The following ZNF700 variants were observed in gnomAD, a reference collection of about 807,000 sequenced individuals.
The protein encoded by ZNF700 is zinc finger protein 700.
In ZNF700, 38 loss-of-function variants were observed where a neutral mutation model predicts 65.3. The ratio of observed to expected loss-of-function variants is 0.58; its 90% CI spans 0.45 to 0.76. The LOEUF is 0.76. Ranked by LOEUF, ZNF700 falls within the 30% of genes least tolerant of loss-of-function variation. The pLI, the probability that ZNF700 is intolerant of heterozygous loss-of-function variation, is 0.00. For missense variants in ZNF700, 857 were observed against 888.4 expected (o/e 0.96, Z 0.45); for synonymous variants, 285 against 290.4 (o/e 0.98, Z 0.19).
At chr19:11,935,538 T>A (rs1356335643) in intron 1 of ZNF700, among the ~76,000 whole-genome samples, 1 of 152,096 alleles carries the variant, frequency 6.6e-6, no homozygotes, top group Non-Finnish European at 1.5e-5. Flanking sequence ...GGCTTTTTGC[T>A]TCTTTTTTGA....
In ZNF700 at chr19:11,934,311, G is replaced by T. The variant is rs983503185; in HGVS notation, c.63+9038G>T. 1.1e-4 allele frequency among the ~76,000 whole-genome samples: 17 copies of T among 147,916 alleles called. 2 individuals carry two copies. The highest frequency in any genetic ancestry group is 3.4e-3 in the Middle Eastern group (1 of 294). ...CAGTTCATTTGGGTCAATATTGTAGGATTGAGACTACTGAATCAGTAGGAC... is the reference window on the plus strand; with the variant it reads ...CAGTTCATTTGGGTCAATATTGTAGTATTGAGACTACTGAATCAGTAGGAC... On this transcript the variant is annotated intron_variant, in intron 1 of 3. Coordinates refer to ENST00000254321, the MANE Select transcript of ZNF700 (RefSeq NM_144566.3).
chr19:11,944,235 G>C (rs1456183667), intron 1 of ZNF700, among the ~76,000 whole-genome samples: 1 of 152,156 alleles, frequency 6.6e-6, no homozygotes, highest in African/African-American at 2.4e-5. Flanking sequence ...GGGAGTGCCT[G>C]GAAGTCCCCA....
At position 11,941,664 on chromosome 19, in the gene ZNF700, G is replaced by A. The variant is rs944005969; in HGVS notation, c.64-5517G>A. 4.6e-5 allele frequency among the ~76,000 whole-genome samples: 7 copies of A among 152,178 alleles called. No individual in the cohort carries two copies. In the South Asian group the frequency reaches 8.3e-4, roughly 18 times the overall value. The stretch of plus-strand genomic sequence containing the variant: ...AGCGCCGCGCGCAGCCCCAGTTCCC[G>A]CTCGCGCCTCTCCCTCCACCCCTCC... On this transcript the variant is annotated intron_variant, in intron 1 of 3. Transcript: ENST00000254321.
chr19:11,927,279 C>G (rs969474471), intron 1 of ZNF700, among the ~76,000 whole-genome samples: 3 of 151,864 alleles, frequency 2.0e-5, no homozygotes, highest in Admixed American at 6.6e-5. Flanking sequence ...ACTTGAACCC[C>G]AGAGGCAGAG....
chr19:11,935,452 C>T (rs1230078126), intron 1 of ZNF700, among the ~76,000 whole-genome samples: 2 of 151,874 alleles, frequency 1.3e-5, no homozygotes, highest in Non-Finnish European at 2.9e-5. Context: ...AGGCTGATCT[C>T]GAACTCCTGA....
chr19:11,947,032 G>A (rs576663487), intron 1 of ZNF700, 149 bp from the exon 2 acceptor site: 1 of 1,313,000 alleles, frequency 7.6e-7, no homozygotes, highest in South Asian at 1.7e-5. Context: ...AAGAAAGTAA[G>A]TATAGATGGA....
rs370242326 is a variant in ZNF700, at chr19:11,949,359, C to T, written c.1335C>T (p.Pro445=). Residue 445 remains proline (P), a synonymous_variant, in exon 4 of 4, where the codon CCC becomes CCT. Coordinates refer to ENST00000254321, the MANE Select transcript of ZNF700 (RefSeq NM_144566.3). Reference sequence around the variant, plus strand: ...GTGGGACTCACACTGGAGAGAAACCCTATGAATGTAAGGAATGTGGGAAAG... The same window carrying T: ...GTGGGACTCACACTGGAGAGAAACCTTATGAATGTAAGGAATGTGGGAAAG... ...VHGGTHTGEK[P]YECKECGKAF... 2.2e-5 allele frequency: 35 copies of T among 1,613,594 alleles called. No individual in the cohort carries two copies. The highest frequency in any genetic ancestry group is 2.5e-5 in the Non-Finnish European group (29 of 1,179,930).
chr19:11,943,675 C>A (rs1449429416), intron 1 of ZNF700, among the ~76,000 whole-genome samples: 1 of 152,156 alleles, frequency 6.6e-6, no homozygotes, highest in African/African-American at 2.4e-5. Flanking sequence ...TTTAAAGTTC[C>A]TAGGCATTCA....
Position 11,950,288 on chromosome 19 carries a change from C to T in ZNF700, c.*35C>T, listed in dbSNP as rs780887092. ...TTTTATGGACATGAATAGACTCACA[C>T]TGGAAGGAAGCACTATGAATGCAAG... On this transcript the variant is annotated 3_prime_UTR_variant, in exon 4 of 4. Transcript: ENST00000254321. 7 of 1,580,546 alleles carry T rather than the reference C, an allele frequency of 4.4e-6. No homozygotes were observed. The East Asian group carries it at 1.3e-4, about 30-fold the overall frequency.
chr19:11,933,083 T>G (rs1972738942), intron 1 of ZNF700, among the ~76,000 whole-genome samples: 1 of 148,136 alleles, frequency 6.8e-6, no homozygotes, highest in Non-Finnish European at 1.5e-5. Flanking sequence ...AATCCAGAGT[T>G]CCCTCATTTT....
At chr19:11,929,525 A>G (rs984688152) in intron 1 of ZNF700, among the ~76,000 whole-genome samples, 1 of 148,300 alleles carries the variant, frequency 6.7e-6, no homozygotes, top group African/African-American at 2.6e-5. Context: ...TTCCAAGGTA[A>G]TAGGTAAATT....
rs149259954 is a variant in ZNF700, at chr19:11,947,550, A to G, written c.227A>G (p.Tyr76Cys). The part of the protein sequence containing the change: ...KWSDQNIEYE[Y>C]QNPRRSFRSL... The stretch of plus-strand genomic sequence containing the variant: ...AGTGACCAGAACATTGAATATGAGT[A>G]CCAAAACCCCAGAAGAAGCTTCAGG... Residue 76 changes from tyrosine (Y) to cysteine (C), a missense_variant, in exon 3 of 4, where the codon TAC (tyrosine) becomes TGC (cysteine). Around this residue, in one of 3 missense-constraint regions of ZNF700, gnomAD observed 603 missense variants for 619.9 expected, o/e 0.97. Coordinates refer to ENST00000254321, the MANE Select transcript of ZNF700 (RefSeq NM_144566.3). 4.3e-6 allele frequency: 7 copies of G among 1,613,630 alleles called. No individual in the cohort carries two copies. In the African/African-American group the frequency reaches 8.0e-5, roughly 18 times the overall value.
Position 11,947,283 on chromosome 19 carries a change from A to G in ZNF700, c.166A>G (p.Thr56Ala), listed in dbSNP as rs754744988. The part of the protein sequence containing the change: ...KNLFREVMLE[T>A]FRNLTSIGKK... ...TCTCTTCAGGGAAGTGATGCTGGAAACTTTCAGGAACCTGACCTCTATAGG... is the reference window on the plus strand; with the variant it reads ...TCTCTTCAGGGAAGTGATGCTGGAAGCTTTCAGGAACCTGACCTCTATAGG... The change falls in exon 2 of 4, where the codon ACT (threonine) becomes GCT (alanine). Residue 56 changes from threonine (T) to alanine (A), a missense_variant. By Grantham distance (58) the Thr-to-Ala change is moderately conservative. This residue lies in a region of ZNF700 where 603 missense variants were observed against 619.9 expected (regional missense o/e 0.97). Transcript: ENST00000254321. 6.2e-6 allele frequency: 10 copies of G among 1,613,866 alleles called. No individual in the cohort carries two copies. In the African/African-American group the frequency reaches 1.1e-4, roughly 17 times the overall value.
Position 11,949,936 on chromosome 19 carries a change from C to T in ZNF700, c.1912C>T (p.His638Tyr). ...CAGATCTGCCTCAAACCTTCAGATG[C>T]ATGAAAGGACTCACACTGGAGAGAA... ...AFRSASNLQM[H>Y]ERTHTGEKPY... Residue 638 changes from histidine (H) to tyrosine (Y), a missense_variant, in exon 4 of 4, where the codon CAT becomes TAT. This residue lies in a region of ZNF700 where 251 missense variants were observed against 250.3 expected (regional missense o/e 1.00). Coordinates refer to ENST00000254321, the MANE Select transcript of ZNF700 (RefSeq NM_144566.3). 1 of 1,614,120 alleles carries T rather than the reference C, an allele frequency of 6.2e-7. No homozygotes were observed. Among genetic ancestry groups the T allele is most frequent in the African/African-American group, 1.3e-5 (1 of 75,016 alleles).
In ZNF700 at chr19:11,950,438, G is replaced by T. The variant is rs904492787; in HGVS notation, c.*185G>T. ...TTCATTCCTTTTACTTCTTTTCAATGTCATGAAAGGACTCACACGGGAGAG... is the reference window on the plus strand; with the variant it reads ...TTCATTCCTTTTACTTCTTTTCAATTTCATGAAAGGACTCACACGGGAGAG... On this transcript the variant is annotated 3_prime_UTR_variant, in exon 4 of 4. Transcript: ENST00000254321. 2 of 705,790 alleles carry T rather than the reference G, an allele frequency of 2.8e-6. No homozygotes were observed. Among genetic ancestry groups the T allele is most frequent in the Non-Finnish European group, 5.0e-6 (2 of 398,050 alleles). The allele number at this position is 705,790 out of a possible 1,614,324, so 43.7% of individuals were successfully genotyped here.
intron 1 of ZNF700, among the ~76,000 whole-genome samples, chr19:11,941,983 C>CT (rs1301868377): frequency 7.9e-3 from 1 of 126 alleles, no homozygotes; most frequent in Non-Finnish European, 0.015. Flanking sequence ...GCTTATTACA[C>CT]CTGGTATCTC....
chr19:11,938,916 T>C (rs1011667997), intron 1 of ZNF700, among the ~76,000 whole-genome samples: 1 of 152,208 alleles, frequency 6.6e-6, no homozygotes, highest in Non-Finnish European at 1.5e-5. Flanking sequence ...ATGATTGCCA[T>C]TCTAACTGGT....
chr19:11,937,300 C>A (rs1481356632), intron 1 of ZNF700, among the ~76,000 whole-genome samples: 1 of 151,980 alleles, frequency 6.6e-6, no homozygotes, highest in Non-Finnish European at 1.5e-5. Context: ...TTTGCTAATC[C>A]AGGTGTTTCA....
rs781718919 is a variant in ZNF700, at chr19:11,949,079, A to G, written c.1055A>G (p.His352Arg). ...GLSYLISFQT[H>R]IRMNSGERPY... is the part of the protein sequence containing the mutation. ...TCCTATCTTATAAGTTTTCAAACAC[A>G]CATAAGAATGAACTCTGGAGAAAGA... The change falls in exon 4 of 4, where the codon CAC (histidine) becomes CGC (arginine). Residue 352 changes from histidine to arginine, a missense_variant. Transcript: ENST00000254321. 3 of 1,610,604 alleles carry G rather than the reference A, an allele frequency of 1.9e-6. No homozygotes were observed. Among genetic ancestry groups the G allele is most frequent in the Non-Finnish European group, 2.5e-6 (3 of 1,179,324 alleles).
Sources: gnomAD v4.1 joint callset for allele counts (sites outside exome capture counted in the v4.1 genomes callset) on GRCh38, gnomAD v4.1.1 for gene constraint, gnomAD v4.1.1 regional missense constraint, MANE v1.5 for transcripts, NCBI Gene and HGNC (gene_info 2026-07-23, HGNC 2026-07-21) for gene names.